The following C4orf50 variants were observed in gnomAD, a reference collection of about 807,000 sequenced individuals.
The protein encoded by C4orf50 is chromosome 4 open reading frame 50.
Under a neutral mutation model 77.2 loss-of-function variants are expected in C4orf50, and 80 were observed. That is an observed-to-expected ratio of 1.04 (90% confidence interval 0.87 to 1.25). C4orf50 has a LOEUF of 1.25. Ranked by LOEUF, C4orf50 falls within the 50% of genes most tolerant of loss-of-function variation. C4orf50 has a pLI of 0.00. For synonymous variants in C4orf50, 532 were observed against 465.3 expected, an observed-to-expected ratio of 1.14 and a Z score of -1.84; for missense variants, 1,257 against 1,152.9, an observed-to-expected ratio of 1.09 and a Z score of -1.31.
rs140385495 is a variant in C4orf50 at position 6,017,046 on chromosome 4, A to G, written c.287+1099T>C. 8.0e-4 allele frequency among the ~76,000 whole-genome samples: 122 copies of G among 152,320 alleles called. 1 individual carries two copies. The highest frequency in any genetic ancestry group is 1.6e-3 in the Admixed American group (24 of 15,304). On this transcript the variant is annotated intron_variant, in intron 23 of 33. Transcript: ENST00000531445. The surrounding 1 kb of genome is among the most constrained non-coding windows in gnomAD (Gnocchi z 4.7). ...GTTCTGCCAGTCTGGGTGTCAAGAC[A>G]TCGTCAGGAAAGAAGATGGGCTTTA...
rs1188588185 is a variant in C4orf50, at chr4:6,011,844, C to A, written c.412G>T (p.Glu138Ter). ...GGAAACGGTACCTGGCTGGCCAGCTCCCCCTGCAGCGCCGCCAGCTTCTCC... is the reference window on the plus strand; with the variant it reads ...GGAAACGGTACCTGGCTGGCCAGCTACCCCTGCAGCGCCGCCAGCTTCTCC... The change falls in exon 24 of 34, where the codon GAG (glutamate) becomes TAG (stop). Residue 138 changes from glutamate to a stop codon, truncating the protein, a stop_gained. Coordinates refer to ENST00000531445, the Ensembl canonical transcript of C4orf50. LOFTEE classifies it high-confidence loss of function. The surrounding 1 kb of genome is among the most constrained non-coding windows in gnomAD (Gnocchi z 4.2). 2.5e-6 allele frequency: 1 copy of A among 398,970 alleles called. No homozygotes were observed. The highest frequency in any genetic ancestry group is 4.4e-6 in the Non-Finnish European group (1 of 226,094). 24.7% of individuals were successfully genotyped at this position (398,970 alleles called of 1,614,324 possible).
chr4:5,936,370 T>C (rs1340438082), intron 7 of C4orf50, among the ~76,000 whole-genome samples: 1 of 152,038 alleles, frequency 6.6e-6, no homozygotes, highest in African/African-American at 2.4e-5. Flanking sequence ...GAGACCAGCC[T>C]GGTCAACATG....
At position 6,015,349 on chromosome 4, in the gene C4orf50, C is replaced by T. The variant is rs1404871275; in HGVS notation, c.287+2796G>A. The stretch of plus-strand genomic sequence containing the variant: ...CACACACAGAGGGATGACCATGTGA[C>T]GACACAGGGAGAAGGTGGAGTCCAC... On this transcript the variant is annotated intron_variant, in intron 23 of 33. Transcript: ENST00000531445. The surrounding 1 kb of genome is among the most constrained non-coding windows in gnomAD (Gnocchi z 4.4). Among the ~76,000 whole-genome samples the T allele has an allele frequency of 1.3e-5, 2 of 152,110 alleles. No individual in the cohort carries two copies. Among genetic ancestry groups the T allele is most frequent in the Non-Finnish European group, 2.9e-5 (2 of 68,028 alleles).
chr4:5,921,674 G>A (rs1043548224), intron 7 of C4orf50, among the ~76,000 whole-genome samples: 2 of 152,132 alleles, frequency 1.3e-5, no homozygotes, highest in East Asian at 1.9e-4. Flanking sequence ...GAGAGGAGGA[G>A]GAGGGGACAC....
At chr4:5,952,171 C>T (rs767131542), downstream of C4orf50, among the ~76,000 whole-genome samples, 3 of 151,968 alleles carry the variant, frequency 2.0e-5, no homozygotes, top group Admixed American at 6.6e-5. The surrounding 1 kb of genome is among the most constrained non-coding windows in gnomAD (Gnocchi z 4.4). Flanking sequence ...GGTCAGGAGT[C>T]GTAAGAGGCA....
At chr4:5,943,952 G>T (rs1197746188) in intron 7 of C4orf50, among the ~76,000 whole-genome samples, 1 of 152,170 alleles carries the variant, frequency 6.6e-6, no homozygotes, top group East Asian at 1.9e-4. Context: ...GGGGCCAAAG[G>T]TCTCCCTCAA....
intron 25 of C4orf50, among the ~76,000 whole-genome samples, chr4:6,002,071 C>G (rs1721853513): frequency 6.6e-6 from 1 of 152,118 alleles, no homozygotes; most frequent in Non-Finnish European, 1.5e-5. Context: ...GAGAGTGTGG[C>G]CTTAGTTGAA....
intron 7 of C4orf50, among the ~76,000 whole-genome samples, chr4:5,950,617 A>C (rs1365555096): frequency 6.6e-6 from 1 of 152,118 alleles, no homozygotes; most frequent in Non-Finnish European, 1.5e-5. Context: ...CCAGTTTTCC[A>C]CTCAAAATGG....
chr4:5,972,224 C>T (rs955889894), intron 31 of C4orf50, among the ~76,000 whole-genome samples: 9 of 152,022 alleles, frequency 5.9e-5, no homozygotes, highest in African/African-American at 1.2e-4. Flanking sequence ...AGCATGGTCT[C>T]GATCTCTTGA....
chr4:5,998,599 C>G (rs1247100671), intron 25 of C4orf50, among the ~76,000 whole-genome samples: 1 of 152,222 alleles, frequency 6.6e-6, no homozygotes, highest in Non-Finnish European at 1.5e-5. Context: ...GATCTCAGCT[C>G]TGGGATGACA....
chr4:5,935,843 A>G lies in C4orf50; in HGVS notation c.*2474+21058T>C, dbSNP rs62282721. ...AGGCCAACATTACAAAACGCCCAAG[A>G]AAACAATCCTTTATGAATGAAGACA... is the stretch of plus-strand genomic sequence containing the variant. On this transcript the variant is annotated intron_variant, in intron 7 of 7. Transcript: ENST00000324058. Among the ~76,000 whole-genome samples the G allele has an allele frequency of 2.2e-3, 327 of 151,662 alleles. 1 individual carries two copies. Among genetic ancestry groups the G allele is most frequent in the Non-Finnish European group, 3.8e-3 (255 of 67,962 alleles).
At chr4:5,945,451 G>A (rs1577916796) in intron 7 of C4orf50, among the ~76,000 whole-genome samples, 1 of 152,170 alleles carries the variant, frequency 6.6e-6, no homozygotes, top group East Asian at 1.9e-4. Flanking sequence ...CCCGGGAGAG[G>A]GGAAACCTCC....
chr4:5,994,930 C>A (rs1721499053), intron 25 of C4orf50, among the ~76,000 whole-genome samples: 1 of 152,136 alleles, frequency 6.6e-6, no homozygotes, highest in Admixed American at 6.5e-5. Context: ...AGCGTGAACC[C>A]TATTGTGAAC....
At chr4:5,934,620 G>A (rs565166689) in intron 7 of C4orf50, among the ~76,000 whole-genome samples, 1 of 152,270 alleles carries the variant, frequency 6.6e-6, no homozygotes, top group Admixed American at 6.5e-5. Context: ...ACCTGCCCCA[G>A]GCCAGCTACA....
At chr4:6,016,077 T>C (rs1375331332) in intron 23 of C4orf50, among the ~76,000 whole-genome samples, 2 of 152,228 alleles carry the variant, frequency 1.3e-5, no homozygotes, top group African/African-American at 4.8e-5. Context: ...AATAATCATC[T>C]TACTTGTGTT....
intron 7 of C4orf50, among the ~76,000 whole-genome samples, chr4:5,937,839 G>T (rs894381707): frequency 2.0e-5 from 3 of 151,972 alleles, no homozygotes; most frequent in African/African-American, 7.2e-5. Flanking sequence ...AGATAACAAA[G>T]GTTACTACCT....
rs146110124 is a variant in C4orf50, at chr4:5,915,301, G to C, written c.*2475-17113C>G. ...ACGCTTTAAGGTTTGATCATATCCA[G>C]TTCCTGCCATTCTCAGACACAGTTT... is the stretch of plus-strand genomic sequence containing the variant. On this transcript the variant is annotated intron_variant, in intron 7 of 7. Transcript: ENST00000324058. Among the ~76,000 whole-genome samples the C allele has an allele frequency of 1.2e-4, 19 of 152,294 alleles. No homozygotes were observed. In the East Asian group the frequency reaches 3.1e-3, roughly 25 times the overall value.
Position 6,008,911 on chromosome 4 carries a change from G to C in C4orf50, c.427-379C>G, listed in dbSNP as rs149550475. 1.7e-3 allele frequency among the ~76,000 whole-genome samples: 256 copies of C among 152,244 alleles called. No individual in the cohort carries two copies. The highest frequency in any genetic ancestry group is 5.9e-3 in the African/African-American group (247 of 41,560). On this transcript the variant is annotated intron_variant, in intron 24 of 33. Coordinates refer to ENST00000531445, the Ensembl canonical transcript of C4orf50. This position sits in a 1 kb window ranked among gnomAD's most constrained non-coding sequence, Gnocchi z 6.0. Reference sequence around the variant, plus strand: ...CACACAGCTGCTCCAGAGCCTCCCAGGTGTCCCCACTTCCACCACAGAACT... The same window carrying C: ...CACACAGCTGCTCCAGAGCCTCCCACGTGTCCCCACTTCCACCACAGAACT...
At position 5,932,047 on chromosome 4, in the gene C4orf50, C is replaced by T. The variant is rs974288879; in HGVS notation, c.*2474+24854G>A. 4.9e-5 allele frequency among the ~76,000 whole-genome samples: 7 copies of T among 141,668 alleles called. No homozygotes were observed. In the East Asian group the frequency reaches 6.6e-4, roughly 13 times the overall value. 92.9% of individuals were successfully genotyped at this position (141,668 alleles called of 152,430 possible). A position where few individuals can be genotyped will look rare whatever the true frequency, so the allele number is the denominator to read the frequency against. ...CAAAATGCTAAGCTCTTCCCAACGCCCCCCCGCCCCCCACCCCTGCCAACT... is the reference window on the plus strand; with the variant it reads ...CAAAATGCTAAGCTCTTCCCAACGCTCCCCCGCCCCCCACCCCTGCCAACT... On this transcript the variant is annotated intron_variant, in intron 7 of 7. Coordinates refer to the C4orf50 transcript ENST00000324058. This position sits in a 1 kb window ranked among gnomAD's most constrained non-coding sequence, Gnocchi z 4.2.
Sources: allele counts gnomAD v4.1 joint callset (sites outside exome capture counted in the v4.1 genomes callset), GRCh38; gene constraint gnomAD v4.1.1; non-coding constraint Gnocchi (gnomAD v3.1); transcripts MANE v1.5; gene names NCBI Gene and HGNC (gene_info 2026-07-23, HGNC 2026-07-21).